PPP2R2C: variants seen among roughly 807,000 people sequenced by gnomAD.
PPP2R2C encodes the protein protein phosphatase 2, regulatory subunit B, gamma.
PPP2R2C carries 10 observed loss-of-function variants against 45.3 expected under a neutral mutation model. The ratio of observed to expected loss-of-function variants is 0.22; its 90% CI spans 0.14 to 0.37. PPP2R2C has a LOEUF of 0.37. Among genes scored for constraint, PPP2R2C ranks in the 10% least tolerant of loss-of-function variants. The pLI is 1.00. For synonymous variants in PPP2R2C, 257 were observed against 245.4 expected (o/e 1.05, Z -0.44); for missense variants, 308 against 619.7 (o/e 0.50, Z 5.34).
chr4:6,350,406 T>C (rs1244095740), intron 5 of PPP2R2C: 8 of 985,264 alleles, frequency 8.1e-6, no homozygotes, highest in Non-Finnish European at 9.6e-6. Context: ...CCATGGATAA[T>C]GTGCAGTAGA....
intron 1 of PPP2R2C, among the ~76,000 whole-genome samples, chr4:6,540,240 G>C (rs1044397794): frequency 4.6e-5 from 7 of 152,134 alleles, no homozygotes; most frequent in African/African-American, 1.7e-4. Context: ...CCTAGCCCCT[G>C]GTAACCACTA....
intron 2 of PPP2R2C, among the ~76,000 whole-genome samples, chr4:6,504,305 C>A (rs1451884912): frequency 6.6e-6 from 1 of 152,166 alleles, no homozygotes; most frequent in African/African-American, 2.4e-5. Flanking sequence ...GGACATTTTA[C>A]AGTCTGAGTA....
intron 2 of PPP2R2C, among the ~76,000 whole-genome samples, chr4:6,500,922 G>A (rs1301949999): frequency 1.3e-5 from 2 of 152,192 alleles, no homozygotes; most frequent in Admixed American, 6.5e-5. Context: ...CTGCGAAGCC[G>A]TCGCACGGCA....
At chr4:6,390,903 G>C (rs534181881) in intron 1 of PPP2R2C, among the ~76,000 whole-genome samples, 2 of 152,198 alleles carry the variant, frequency 1.3e-5, no homozygotes, top group South Asian at 2.1e-4. Flanking sequence ...ACCTTCCAGC[G>C]GGCCTGGTGA....
Position 6,407,098 on chromosome 4 carries a change from G to A in PPP2R2C, c.71-26004C>T, listed in dbSNP as rs558291528. Among the ~76,000 whole-genome samples the A allele has an allele frequency of 1.2e-4, 19 of 152,332 alleles. No homozygotes were observed. The South Asian group carries it at 2.7e-3, about 22-fold the overall frequency. ...CACCCCTGCAGGCTACAGAGGGAAC[G>A]TAGGCCTACGGACACCATGATTTTG... On this transcript the variant is annotated intron_variant, in intron 1 of 8. Coordinates refer to ENST00000382599, the MANE Select transcript of PPP2R2C (RefSeq NM_020416.4).
intron 1 of PPP2R2C, among the ~76,000 whole-genome samples, chr4:6,423,631 A>C (rs1220465325): frequency 6.6e-6 from 1 of 152,268 alleles, no homozygotes; most frequent in Non-Finnish European, 1.5e-5. Context: ...ACTGTAATAC[A>C]GTACTTTGGA....
At chr4:6,451,983 G>A (rs1363942883) in intron 1 of PPP2R2C, among the ~76,000 whole-genome samples, 10 of 152,166 alleles carry the variant, frequency 6.6e-5, no homozygotes. Flanking sequence ...ACCTGGCACA[G>A]GCAGTGTGGA....
intron 4 of PPP2R2C, among the ~76,000 whole-genome samples, chr4:6,373,941 G>T (rs998235401): frequency 1.3e-5 from 2 of 150,518 alleles, no homozygotes; most frequent in Admixed American, 6.6e-5. Context: ...ACGCAGCACC[G>T]GTGTGAGTGA....
intron 2 of PPP2R2C, among the ~76,000 whole-genome samples, chr4:6,508,047 G>A (rs1261949740): frequency 1.3e-5 from 2 of 152,174 alleles, no homozygotes; most frequent in Non-Finnish European, 2.9e-5. Context: ...GATCGCTGGA[G>A]CCCAGGAGTT....
intron 2 of PPP2R2C, among the ~76,000 whole-genome samples, chr4:6,512,374 G>T (rs1278855412): frequency 9.5e-6 from 1 of 105,384 alleles, no homozygotes; most frequent in Non-Finnish European, 2.1e-5. Flanking sequence ...GGTGGTGGTG[G>T]TGGTGGTGGT....
Position 6,404,382 on chromosome 4 carries a change from C to T in PPP2R2C, c.71-23288G>A, listed in dbSNP as rs184318774. Among the ~76,000 whole-genome samples, 68 of 152,320 alleles carry T rather than the reference C, an allele frequency of 4.5e-4. 1 individual carries two copies. The highest frequency in any genetic ancestry group is 1.5e-3 in the African/African-American group (61 of 41,564). On this transcript the variant is annotated intron_variant, in intron 1 of 8. Coordinates refer to ENST00000382599, the MANE Select transcript of PPP2R2C (RefSeq NM_020416.4). Reference sequence around the variant, plus strand: ...GGCAGCTACTTGCAGATACTCCTACCCTATCTCGCCAGAGGCATGGAAACC... The same window carrying T: ...GGCAGCTACTTGCAGATACTCCTACTCTATCTCGCCAGAGGCATGGAAACC...
At chr4:6,454,675 G>T (rs901782370) in intron 1 of PPP2R2C, among the ~76,000 whole-genome samples, 2 of 152,202 alleles carry the variant, frequency 1.3e-5, no homozygotes, top group African/African-American at 4.8e-5. Flanking sequence ...GAATAAAATG[G>T]TTCTCATCAC....
At chr4:6,420,891 T>C in intron 1 of PPP2R2C, 1 of 955,852 alleles carries the variant, frequency 1.0e-6, no homozygotes, top group Non-Finnish European at 1.2e-6. Context: ...ACTGATGGGA[T>C]GTGGTAGATG....
At chr4:6,344,371 T>C (rs1373432808) in intron 6 of PPP2R2C, among the ~76,000 whole-genome samples, 1 of 152,224 alleles carries the variant, frequency 6.6e-6, no homozygotes, top group African/African-American at 2.4e-5. Context: ...TCATCAGGCA[T>C]ATGAAATTAC....
At chr4:6,512,167 G>C (rs1283413710) in intron 2 of PPP2R2C, among the ~76,000 whole-genome samples, 5 of 78,910 alleles carry the variant, frequency 6.3e-5, no homozygotes, top group Non-Finnish European at 1.0e-4. Context: ...GGTGATGGTG[G>C]TGATGGTGCT....
At chr4:6,456,396 A>G (rs1416437829) in intron 1 of PPP2R2C, among the ~76,000 whole-genome samples, 2 of 151,778 alleles carry the variant, frequency 1.3e-5, no homozygotes, top group African/African-American at 4.8e-5. Flanking sequence ...TCTTCTCAAA[A>G]AGAGCACCTT....
At chr4:6,525,408 A>ATAAG (rs1277482121) in intron 2 of PPP2R2C, among the ~76,000 whole-genome samples, 3 of 116,138 alleles carry the variant, frequency 2.6e-5, no homozygotes, top group Non-Finnish European at 5.9e-5. Context: ...CCATCTCAAA[A>ATAAG]TAAGTAAATA....
intron 1 of PPP2R2C, among the ~76,000 whole-genome samples, chr4:6,561,748 C>A (rs1725584997): frequency 6.6e-6 from 1 of 152,116 alleles, no homozygotes; most frequent in African/African-American, 2.4e-5. Flanking sequence ...CGTTTAGAAC[C>A]CAGGGACTGA....
chr4:6,444,745 C>T (rs1237664196), intron 1 of PPP2R2C, among the ~76,000 whole-genome samples: 2 of 152,240 alleles, frequency 1.3e-5, no homozygotes, highest in East Asian at 1.9e-4. Context: ...CGATGCCTGG[C>T]CAGGCAGATG....
Sources: allele counts gnomAD v4.1 joint callset (sites outside exome capture counted in the v4.1 genomes callset), GRCh38; gene constraint gnomAD v4.1.1; transcripts MANE v1.5; gene names NCBI Gene and HGNC (gene_info 2026-07-23, HGNC 2026-07-21).